The following AP2B1 variants were observed in gnomAD, a reference collection of about 807,000 sequenced individuals.
The protein encoded by AP2B1 is adaptor related protein complex 2 subunit beta 1, also known as AP-2 complex subunit beta.
A neutral mutation model predicts 102.0 loss-of-function variants in AP2B1; 23 were observed. The observed-to-expected ratio is 0.23, with a 90% CI of 0.16 to 0.32. The LOEUF is 0.32. Among genes scored for constraint, AP2B1 ranks in the 10% least tolerant of loss-of-function variants. AP2B1 has a pLI of 1.00. For synonymous variants in AP2B1, 381 were observed against 421.2 expected (o/e 0.90, Z 1.17); for missense variants, 541 against 1,157.4 (o/e 0.47, Z 7.73).
At chr17:35,596,970 C>T in intron 2 of AP2B1, 6 of 675,080 alleles carry the variant, frequency 8.9e-6, no homozygotes, top group African/African-American at 1.8e-5. Context: ...AAAGCTGTCT[C>T]GTGCGCCTTT....
intron 18 of AP2B1, among the ~76,000 whole-genome samples, chr17:35,684,130 C>G (rs1490598483): frequency 1.3e-5 from 2 of 152,090 alleles, no homozygotes; most frequent in Non-Finnish European, 2.9e-5. Flanking sequence ...AATTTAGGGC[C>G]TTCAAGACCC....
intron 2 of AP2B1, among the ~76,000 whole-genome samples, chr17:35,594,534 T>G (rs1019309191): frequency 3.3e-5 from 5 of 152,238 alleles, no homozygotes; most frequent in African/African-American, 1.2e-4. Flanking sequence ...TCAAGTCTTT[T>G]TCTCTGCATA....
At chr17:35,717,130 G>C (rs954885012) in intron 20 of AP2B1, 65 bp from the exon 21 acceptor site, 1 of 1,558,182 alleles carries the variant, frequency 6.4e-7, no homozygotes, top group African/African-American at 1.4e-5. Context: ...AAGGATGTGA[G>C]AAGAGAGTGT....
chr17:35,604,506 C>G (rs1458605950), intron 3 of AP2B1, among the ~76,000 whole-genome samples: 1 of 151,634 alleles, frequency 6.6e-6, no homozygotes, highest in Non-Finnish European at 1.5e-5. Flanking sequence ...ATCTGTAATC[C>G]CAGAACTTTG....
intron 12 of AP2B1, among the ~76,000 whole-genome samples, chr17:35,649,959 T>A (rs1260316787): frequency 3.9e-5 from 6 of 151,964 alleles, no homozygotes; most frequent in Admixed American, 3.9e-4. Context: ...ATTATTATTA[T>A]TATTTTTTGA....
chr17:35,674,646 A>G (rs948058457), intron 17 of AP2B1, among the ~76,000 whole-genome samples: 3 of 152,352 alleles, frequency 2.0e-5, no homozygotes, highest in Non-Finnish European at 4.4e-5. Flanking sequence ...CCAAGGTTGC[A>G]GTGAGCCGAG....
At chr17:35,632,155 A>G (rs745961390) in intron 9 of AP2B1, among the ~76,000 whole-genome samples, 22 of 151,150 alleles carry the variant, frequency 1.5e-4, no homozygotes, top group Non-Finnish European at 2.7e-4. Context: ...TGGTGGGGAA[A>G]TGGAGTCTTG....
intron 18 of AP2B1, among the ~76,000 whole-genome samples, chr17:35,702,242 G>T (rs1157162745): frequency 6.6e-6 from 1 of 152,220 alleles, no homozygotes; most frequent in Non-Finnish European, 1.5e-5. Flanking sequence ...ACTGGAGTTG[G>T]AGGTTGGGTG....
intron 15 of AP2B1, 78 bp downstream of exon 15, chr17:35,670,976 C>T: frequency 6.9e-7 from 1 of 1,444,838 alleles, no homozygotes. Flanking sequence ...CATTATCAGA[C>T]CAGCCACTGC....
intron 14 of AP2B1, among the ~76,000 whole-genome samples, chr17:35,664,877 G>A (rs1238678784): frequency 6.6e-6 from 1 of 152,092 alleles, no homozygotes; most frequent in Admixed American, 6.5e-5. Context: ...AGAGACCTGT[G>A]GTGACCATTC....
intron 20 of AP2B1, among the ~76,000 whole-genome samples, chr17:35,711,279 T>C (rs760245786): frequency 2.6e-5 from 4 of 152,108 alleles, no homozygotes; most frequent in Non-Finnish European, 5.9e-5. Context: ...ACCTCCTCTT[T>C]CCTCATTTAC....
chr17:35,694,919 C>T (rs1436561057), intron 18 of AP2B1, among the ~76,000 whole-genome samples: 3 of 151,982 alleles, frequency 2.0e-5, no homozygotes, highest in East Asian at 1.9e-4. Flanking sequence ...ACCCAGTAAG[C>T]CCTACATAGC....
intron 3 of AP2B1, among the ~76,000 whole-genome samples, chr17:35,599,568 T>C (rs2073408124): frequency 1.3e-5 from 2 of 152,158 alleles, no homozygotes; most frequent in Non-Finnish European, 2.9e-5. Context: ...CCAGAGCATA[T>C]GTATATCACA....
intron 18 of AP2B1, among the ~76,000 whole-genome samples, chr17:35,706,382 C>T (rs973231244): frequency 1.3e-5 from 2 of 152,114 alleles, no homozygotes; most frequent in African/African-American, 4.8e-5. Flanking sequence ...ATTGCTTATC[C>T]GGTTGATCTT....
chr17:35,647,365 G>C (rs921560676), intron 12 of AP2B1, among the ~76,000 whole-genome samples: 2 of 151,934 alleles, frequency 1.3e-5, no homozygotes, highest in Non-Finnish European at 2.9e-5. Flanking sequence ...TAAACACTTA[G>C]GAGCAAATTA....
At chr17:35,719,949 C>A (rs2085307131) in intron 21 of AP2B1, among the ~76,000 whole-genome samples, 1 of 152,184 alleles carries the variant, frequency 6.6e-6, no homozygotes, top group East Asian at 1.9e-4. Flanking sequence ...AGATTCAAAT[C>A]TTCATGTTTA....
chr17:35,695,831 G>A (rs1446589388), intron 18 of AP2B1, among the ~76,000 whole-genome samples: 4 of 152,118 alleles, frequency 2.6e-5, no homozygotes, highest in African/African-American at 9.7e-5. Flanking sequence ...TGTACTGGCT[G>A]ATATGCCCTT....
At chr17:35,666,734 C>T (rs1237421404) in intron 14 of AP2B1, among the ~76,000 whole-genome samples, 2 of 152,188 alleles carry the variant, frequency 1.3e-5, no homozygotes, top group Non-Finnish European at 2.9e-5. Context: ...TACCAGCTCA[C>T]TGGATAACAG....
chr17:35,590,185 T>G (rs1418155188), intron 1 of AP2B1, among the ~76,000 whole-genome samples: 1 of 152,224 alleles, frequency 6.6e-6, no homozygotes, highest in East Asian at 1.9e-4. Flanking sequence ...CCCAAAGTGC[T>G]GGGATTACAG....
Sources: allele counts gnomAD v4.1 joint callset (sites outside exome capture counted in the v4.1 genomes callset), GRCh38; gene constraint gnomAD v4.1.1; transcripts MANE v1.5; gene names NCBI Gene and HGNC (gene_info 2026-07-23, HGNC 2026-07-21).